FAM200B: variants seen among roughly 807,000 people sequenced by gnomAD.
FAM200B encodes protein FAM200B.
A neutral mutation model predicts 33.1 loss-of-function variants in FAM200B; 32 were observed. The observed-to-expected ratio is 0.97, with a 90% CI of 0.73 to 1.30. FAM200B has a LOEUF of 1.30. Ranked by LOEUF, FAM200B falls within the 50% of genes most tolerant of loss-of-function variation. The pLI is 0.00. For synonymous variants in FAM200B, 240 were observed against 264.8 expected (o/e 0.91, Z 0.91); for missense variants, 741 against 754.0 (o/e 0.98, Z 0.20).
chr4:15,665,282 T>C, the FAM200B span, among the ~76,000 whole-genome samples: 3 of 152,130 alleles, frequency 2.0e-5, no homozygotes, highest in African/African-American at 7.2e-5. Context: ...CCATATTTAC[T>C]TAGAGCCCCC....
chr4:15,661,252 T>C, the FAM200B span, among the ~76,000 whole-genome samples: 1 of 152,202 alleles, frequency 6.6e-6, no homozygotes, highest in Non-Finnish European at 1.5e-5. Flanking sequence ...GGCATGTGCT[T>C]GTAATTGCAC....
chr4:15,655,346 T>C, the FAM200B span: 1 of 1,271,452 alleles, frequency 7.9e-7, no homozygotes, highest in Non-Finnish European at 1.0e-6. Flanking sequence ...ATAGACACCC[T>C]CGCCGCGGGG....
At chr4:15,684,553 A>G (rs1718649034) in intron 1 of FAM200B, 2 of 152,230 alleles carry the variant, frequency 1.3e-5, no homozygotes, top group African/African-American at 4.8e-5. Context: ...GAAGCATTAA[A>G]ACATGTTAGC....
At chr4:15,644,359 C>T in the FAM200B span, 2 of 708,902 alleles carry the variant, frequency 2.8e-6, no homozygotes, top group Non-Finnish European at 2.3e-6. Flanking sequence ...GTCTTCCTTG[C>T]CATCTTTAAC....
the FAM200B span, among the ~76,000 whole-genome samples, chr4:15,665,646 C>T: frequency 3.3e-5 from 5 of 152,106 alleles, no homozygotes; most frequent in African/African-American, 7.2e-5. Context: ...ACTAGAGCCC[C>T]GACATGTTTT....
the FAM200B span, among the ~76,000 whole-genome samples, chr4:15,663,179 T>G: frequency 2.6e-5 from 4 of 152,220 alleles, no homozygotes; most frequent in African/African-American, 9.6e-5. Context: ...ACCATAATAT[T>G]TGTATGATAT....
At chr4:15,679,720 A>T (rs1365222730), upstream of FAM200B, among the ~76,000 whole-genome samples, 1 of 150,120 alleles carries the variant, frequency 6.7e-6, no homozygotes, top group East Asian at 1.9e-4. Flanking sequence ...GATTTTACTT[A>T]TCTATCAAAA....
the FAM200B span, among the ~76,000 whole-genome samples, chr4:15,641,789 C>G: frequency 7.9e-5 from 12 of 152,110 alleles, no homozygotes; most frequent in Middle Eastern, 3.4e-3. Flanking sequence ...CACTTTGGGA[C>G]GCAGAGGCAG....
the FAM200B span, among the ~76,000 whole-genome samples, chr4:15,637,781 A>G: frequency 6.6e-6 from 1 of 152,158 alleles, no homozygotes; most frequent in East Asian, 1.9e-4. Context: ...TTTGTTAAAT[A>G]AAAATAAAAG....
chr4:15,662,751 A>G, the FAM200B span, among the ~76,000 whole-genome samples: 32 of 152,360 alleles, frequency 2.1e-4, no homozygotes, highest in African/African-American at 7.0e-4. Context: ...ACTCCTAGGT[A>G]GCTGATACTA....
At chr4:15,681,374 C>A (rs1167188752), upstream of FAM200B, 1 of 169,744 alleles carries the variant, frequency 5.9e-6, no homozygotes. Flanking sequence ...AGCGATTCAG[C>A]GCCACTACCT....
the FAM200B span, chr4:15,641,710 T>C: frequency 4.7e-6 from 2 of 425,618 alleles, no homozygotes; most frequent in South Asian, 3.4e-5. Context: ...ATCCCCATGT[T>C]GTTCAAGGGT....
At chr4:15,665,264 G>A in the FAM200B span, among the ~76,000 whole-genome samples, 1 of 152,058 alleles carries the variant, frequency 6.6e-6, no homozygotes, top group Non-Finnish European at 1.5e-5. Context: ...ACGTGAAGTA[G>A]CCGTCAACCA....
chr4:15,664,952 ATTAAGT>A, the FAM200B span, among the ~76,000 whole-genome samples: 21 of 151,132 alleles, frequency 1.4e-4, no homozygotes, highest in African/African-American at 4.8e-5. Flanking sequence ...TTAATGATTC[ATTAAGT>A]TTAAGGTTGA....
chr4:15,682,297 G>A (rs759056581), intron 1 of FAM200B, among the ~76,000 whole-genome samples: 7 of 152,216 alleles, frequency 4.6e-5, no homozygotes, highest in South Asian at 2.1e-4. Context: ...GTTAGTGGCA[G>A]TATGACAGAT....
At chr4:15,680,960 CATATAT>C (rs887106373), upstream of FAM200B, among the ~76,000 whole-genome samples, 12 of 147,570 alleles carry the variant, frequency 8.1e-5, no homozygotes, top group Admixed American at 8.2e-4. Flanking sequence ...TTTTGTTTCA[CATATAT>C]ATATAAATAT....
chr4:15,659,811 T>C, the FAM200B span: 8 of 832,428 alleles, frequency 9.6e-6, no homozygotes, highest in Middle Eastern at 6.0e-4. Flanking sequence ...ATGGGCTGAC[T>C]TGTAGGGAGA....
At chr4:15,654,023 G>A in the FAM200B span, among the ~76,000 whole-genome samples, 1 of 152,194 alleles carries the variant, frequency 6.6e-6, no homozygotes, top group Admixed American at 6.5e-5. Flanking sequence ...CAGAATGGAG[G>A]GAGGGAGAAG....
At chr4:15,644,525 T>G in the FAM200B span, 1 of 1,613,704 alleles carries the variant, frequency 6.2e-7, no homozygotes, top group African/African-American at 1.3e-5. Flanking sequence ...TCAAAGAGGC[T>G]AAGCATCTCG....
Sources: gnomAD v4.1 joint callset for allele counts (sites outside exome capture counted in the v4.1 genomes callset) on GRCh38, gnomAD v4.1.1 for gene constraint, MANE v1.5 for transcripts, NCBI Gene and HGNC (gene_info 2026-07-23, HGNC 2026-07-21) for gene names.